NF1: variants seen among roughly 807,000 people sequenced by gnomAD.
NF1 encodes neurofibromin 1, also known as neurofibromin.
Under a neutral mutation model 325.7 loss-of-function variants are expected in NF1, and 122 were observed. That is an observed-to-expected ratio of 0.37 (90% CI 0.32 to 0.44). The LOEUF (loss-of-function observed/expected upper bound fraction) is 0.44. NF1 is among the 20% of genes least tolerant of loss of function. The pLI is 1.00. For missense variants in NF1, 2,140 were observed against 3,415.4 expected (o/e 0.63, Z 9.31); for synonymous variants, 1,091 against 1,186.0 (o/e 0.92, Z 1.65).
intron 1 of NF1, chr17:31,137,550 T>A (rs2143507482): frequency 6.6e-6 from 1 of 152,328 alleles, no homozygotes; most frequent in African/African-American, 2.4e-5. Flanking sequence ...GAGGATTTCC[T>A]CCCATGCTAG....
At chr17:31,285,448 T>G (rs1443821453) in intron 36 of NF1, among the ~76,000 whole-genome samples, 4 of 152,218 alleles carry the variant, frequency 2.6e-5, no homozygotes, top group Non-Finnish European at 5.9e-5. Context: ...GGAAGTGTTG[T>G]CAAAGTCTGA....
chr17:31,299,801 T>C (rs1431628320), intron 36 of NF1, among the ~76,000 whole-genome samples: 1 of 152,046 alleles, frequency 6.6e-6, no homozygotes, highest in Non-Finnish European at 1.5e-5. Flanking sequence ...TCCCTACTCC[T>C]TTTTTTCTTT....
chr17:31,271,786 C>T (rs1489572331), intron 36 of NF1, among the ~76,000 whole-genome samples: 1 of 151,524 alleles, frequency 6.6e-6, no homozygotes, highest in African/African-American at 2.4e-5. Context: ...ACAACTTCCC[C>T]CATACCACTC....
intron 36 of NF1, among the ~76,000 whole-genome samples, chr17:31,311,233 A>G (rs1047387093): frequency 2.6e-5 from 4 of 152,264 alleles, no homozygotes; most frequent in Non-Finnish European, 2.9e-5. Context: ...AATTATAGGC[A>G]TGAGCCACCG....
chr17:31,278,414 T>G (rs141448761), intron 36 of NF1, among the ~76,000 whole-genome samples: 71,986 of 129,698 alleles, frequency 0.56, 21,892 homozygotes, highest in Middle Eastern at 0.77. Context: ...TGGGTTTTTT[T>G]TTTTTTTTTT....
intron 25 of NF1, 130 bp from the exon 26 acceptor site, chr17:31,232,569 CG>C: frequency 1.2e-6 from 1 of 866,222 alleles, no homozygotes; most frequent in Non-Finnish European, 1.9e-6. Flanking sequence ...GGCTGATTAT[CG>C]CGAGAGAGGA....
chr17:31,210,137 C>T (rs1004104453), intron 12 of NF1, among the ~76,000 whole-genome samples: 3 of 152,230 alleles, frequency 2.0e-5, no homozygotes, highest in African/African-American at 7.2e-5. Context: ...TCCTTCTTCA[C>T]TAGCAAGTTA....
At position 31,178,280 on chromosome 17, in the gene NF1, C is replaced by T. The variant is rs1029936141; in HGVS notation, c.587-3142C>T. 5.9e-5 allele frequency among the ~76,000 whole-genome samples: 9 copies of T among 152,110 alleles called. No individual in the cohort carries two copies. The East Asian group carries it at 1.2e-3, about 20-fold the overall frequency. On this transcript the variant is annotated intron_variant, in intron 5 of 57. Transcript: ENST00000358273. ...ATCCAGGCAAACTAAGCTTCATAAG[C>T]GAAGGAGAAATAAAATACTTTACAG...
intron 8 of NF1, among the ~76,000 whole-genome samples, chr17:31,188,415 A>C (rs548807305): frequency 6.6e-6 from 1 of 152,272 alleles, no homozygotes; most frequent in African/African-American, 2.4e-5. Context: ...CATTTTAAGT[A>C]TTGTTAACTT....
chr17:31,171,354 G>A (rs546903764), intron 5 of NF1, among the ~76,000 whole-genome samples: 22 of 152,268 alleles, frequency 1.4e-4, no homozygotes, highest in South Asian at 1.2e-3. Context: ...ATTATTAAGC[G>A]TTGAGCAGTT....
At chr17:31,296,530 T>C (rs1356408264) in intron 36 of NF1, 2 of 610,766 alleles carry the variant, frequency 3.3e-6, no homozygotes, top group Non-Finnish European at 5.9e-6. Context: ...AATTGGGCTA[T>C]GTGGTAGAGA....
At chr17:31,315,858 T>G (rs535646094) in intron 36 of NF1, among the ~76,000 whole-genome samples, 1 of 152,324 alleles carries the variant, frequency 6.6e-6, no homozygotes, top group African/African-American at 2.4e-5. Context: ...GAATAGTTTT[T>G]TTTTATGGGC....
chr17:31,146,143 A>G (rs1916568577), intron 1 of NF1, among the ~76,000 whole-genome samples: 2 of 152,194 alleles, frequency 1.3e-5, no homozygotes, highest in African/African-American at 4.8e-5. Flanking sequence ...TCAGGTTCTC[A>G]TCAGCCTGAA....
At chr17:31,111,830 G>A (rs1193258072) in intron 1 of NF1, among the ~76,000 whole-genome samples, 2 of 152,124 alleles carry the variant, frequency 1.3e-5, no homozygotes, top group Non-Finnish European at 2.9e-5. Context: ...ACACACTCGG[G>A]TAAGTGTGTG....
chr17:31,239,038 A>G (rs1249312270), intron 29 of NF1, among the ~76,000 whole-genome samples: 10 of 152,230 alleles, frequency 6.6e-5, no homozygotes, highest in Non-Finnish European at 1.3e-4. Flanking sequence ...AAAACATTAC[A>G]ATGCATGCTA....
At chr17:31,176,093 G>A (rs1409535570) in intron 5 of NF1, among the ~76,000 whole-genome samples, 2 of 152,092 alleles carry the variant, frequency 1.3e-5, no homozygotes, top group South Asian at 2.1e-4. Context: ...TTGAGGAATC[G>A]CCACACTGTC....
intron 36 of NF1, among the ~76,000 whole-genome samples, chr17:31,276,208 CAAAAAAAAAAA>C (rs57914332): frequency 5.1e-5 from 4 of 78,936 alleles, no homozygotes; most frequent in Non-Finnish European, 9.2e-5. Context: ...GACTCCATCT[CAAAAAAAAAAA>C]AAAAAAAAAA....
intron 36 of NF1, chr17:31,317,883 G>C (rs2069066977): frequency 6.0e-6 from 1 of 167,244 alleles, no homozygotes; most frequent in African/African-American, 2.4e-5. Flanking sequence ...CTATGCATTA[G>C]GAATTTGACT....
At chr17:31,238,531 G>A (rs1158587094) in intron 29 of NF1, among the ~76,000 whole-genome samples, 2 of 152,002 alleles carry the variant, frequency 1.3e-5, no homozygotes, top group African/African-American at 4.8e-5. Context: ...TCAGGAGATC[G>A]AGACCATACT....
Sources: gnomAD v4.1 joint callset for allele counts (sites outside exome capture counted in the v4.1 genomes callset) on GRCh38, gnomAD v4.1.1 for gene constraint, MANE v1.5 for transcripts, NCBI Gene and HGNC (gene_info 2026-07-23, HGNC 2026-07-21) for gene names.